The following TMCC3 variants were observed in gnomAD, a reference collection of about 807,000 sequenced individuals.
The protein encoded by TMCC3 is transmembrane and coiled-coil domain protein 3.
TMCC3 carries 28 observed loss-of-function variants against 40.2 expected under a neutral mutation model. The observed-to-expected ratio is 0.70, with a 90% CI of 0.52 to 0.95. The LOEUF is 0.95. Ranked by LOEUF, TMCC3 falls within the 40% of genes least tolerant of loss-of-function variation. The probability of loss-of-function intolerance (pLI) is 0.00; values close to 1 mark genes in which losing one functional copy is unlikely to be tolerated. For synonymous variants in TMCC3, 255 were observed against 248.5 expected, an observed-to-expected ratio of 1.03 and a Z score of -0.25; for missense variants, 554 against 615.2, an observed-to-expected ratio of 0.90 and a Z score of 1.05.
intron 1 of TMCC3, among the ~76,000 whole-genome samples, chr12:94,647,357 T>G (rs548304495): frequency 3.3e-5 from 5 of 152,320 alleles, no homozygotes; most frequent in Admixed American, 3.3e-4. Flanking sequence ...CACTGCCTCA[T>G]TATTATTCCA....
intron 1 of TMCC3, among the ~76,000 whole-genome samples, chr12:94,646,749 TTTTTA>T (rs1283544285): frequency 2.8e-4 from 30 of 105,982 alleles, no homozygotes; most frequent in Non-Finnish European, 7.0e-4. Context: ...TTTTTTTTTT[TTTTTA>T]AAAAACAAAT....
chr12:94,630,771 C>G (rs768413953), intron 1 of TMCC3, among the ~76,000 whole-genome samples: 1 of 152,196 alleles, frequency 6.6e-6, no homozygotes. Context: ...CTCTGTCGCC[C>G]AGGCTGGAGT....
chr12:94,593,410 G>A (rs201911823), intron 1 of TMCC3, among the ~76,000 whole-genome samples: 714 of 17,342 alleles, frequency 0.041, 150 homozygotes, highest in East Asian at 0.24. Flanking sequence ...AGAAGAAGAA[G>A]GAAGAAGAAG....
At chr12:94,587,944 G>A (rs963186248) in intron 1 of TMCC3, among the ~76,000 whole-genome samples, 9 of 152,130 alleles carry the variant, frequency 5.9e-5, no homozygotes, top group East Asian at 5.8e-4. Context: ...AGGCAGATCC[G>A]CCTACTGAAA....
intron 1 of TMCC3, among the ~76,000 whole-genome samples, chr12:94,630,412 G>A (rs557640809): frequency 6.6e-6 from 1 of 152,134 alleles, no homozygotes; most frequent in East Asian, 1.9e-4. Context: ...CTGTCTACTG[G>A]TTTAGGGGCA....
intron 1 of TMCC3, 47 bp from the exon 2 acceptor site, chr12:94,582,585 A>G (rs1028410416): frequency 6.7e-7 from 1 of 1,491,288 alleles, no homozygotes; most frequent in African/African-American, 1.4e-5. Context: ...AGTCAAAGAG[A>G]TAATTACTGT....
chr12:94,646,898 G>C (rs1487892012), intron 1 of TMCC3, among the ~76,000 whole-genome samples: 4 of 152,118 alleles, frequency 2.6e-5, no homozygotes, highest in African/African-American at 9.7e-5. Flanking sequence ...AGCTCGAAGA[G>C]CCAGAATACA....
At chr12:94,636,112 A>G (rs2068959607) in intron 1 of TMCC3, among the ~76,000 whole-genome samples, 1 of 152,240 alleles carries the variant, frequency 6.6e-6, no homozygotes, top group South Asian at 2.1e-4. Flanking sequence ...ACATTTATAA[A>G]AACAAAACTT....
At chr12:94,636,697 T>C (rs183897606) in intron 1 of TMCC3, among the ~76,000 whole-genome samples, 2 of 152,344 alleles carry the variant, frequency 1.3e-5, no homozygotes, top group Admixed American at 6.5e-5. Context: ...AAAGACAAAA[T>C]GCAACAAAGA....
At chr12:94,649,785 C>G (rs1249168542) in intron 1 of TMCC3, among the ~76,000 whole-genome samples, 4 of 152,266 alleles carry the variant, frequency 2.6e-5, no homozygotes, top group Non-Finnish European at 4.4e-5. Flanking sequence ...GCGAGGGCGC[C>G]TGCTCGGCTC....
At chr12:94,642,362 G>A (rs2068995177) in intron 1 of TMCC3, among the ~76,000 whole-genome samples, 1 of 152,342 alleles carries the variant, frequency 6.6e-6, no homozygotes, top group African/African-American at 2.4e-5. Flanking sequence ...AAAACCTTGA[G>A]TCTAACTTTC....
intron 1 of TMCC3, chr12:94,615,789 C>G (rs190309689): frequency 9.3e-6 from 4 of 430,016 alleles, no homozygotes; most frequent in African/African-American, 2.1e-5. Context: ...TGGGCAAGCA[C>G]AAAGATAACT....
chr12:94,587,884 A>G (rs1034979934), intron 1 of TMCC3, among the ~76,000 whole-genome samples: 21 of 152,220 alleles, frequency 1.4e-4, no homozygotes, highest in African/African-American at 5.1e-4. Flanking sequence ...AATGACTGCT[A>G]GCCTCTTTCA....
intron 1 of TMCC3, among the ~76,000 whole-genome samples, chr12:94,613,635 C>T (rs2068829394): frequency 6.6e-6 from 1 of 151,938 alleles, no homozygotes; most frequent in African/African-American, 2.4e-5. Flanking sequence ...GCAGCGATGA[C>T]CTCTTGGGGG....
intron 1 of TMCC3, among the ~76,000 whole-genome samples, chr12:94,633,589 C>T (rs146341398): frequency 1.4e-3 from 207 of 152,250 alleles, no homozygotes; most frequent in African/African-American, 4.9e-3. Flanking sequence ...TTCTGATGGG[C>T]CATTTCATTA....
intron 1 of TMCC3, among the ~76,000 whole-genome samples, chr12:94,587,402 A>T (rs2138832550): frequency 1.3e-5 from 2 of 152,352 alleles, no homozygotes; most frequent in Middle Eastern, 6.8e-3. Context: ...CCAAGCTATC[A>T]TTACTGTGAG....
At chr12:94,576,803 C>T (rs1370464696) in intron 3 of TMCC3, among the ~76,000 whole-genome samples, 1 of 152,058 alleles carries the variant, frequency 6.6e-6, no homozygotes, top group African/African-American at 2.4e-5. Flanking sequence ...TAAAGGCAAT[C>T]AAGGAGCCTG....
intron 1 of TMCC3, among the ~76,000 whole-genome samples, chr12:94,646,258 A>G (rs1241269344): frequency 6.6e-6 from 1 of 152,094 alleles, no homozygotes; most frequent in Non-Finnish European, 1.5e-5. Flanking sequence ...TAGGTTAGAG[A>G]GATGGGGGAG....
chr12:94,616,059 TG>T (rs974627754), intron 1 of TMCC3: 1 of 985,242 alleles, frequency 1.0e-6, no homozygotes, highest in Non-Finnish European at 1.2e-6. Flanking sequence ...GCCTGGACTT[TG>T]GAGATACTGC....
Sources: allele counts gnomAD v4.1 joint callset (sites outside exome capture counted in the v4.1 genomes callset), GRCh38; gene constraint gnomAD v4.1.1; transcripts MANE v1.5; gene names NCBI Gene and HGNC (gene_info 2026-07-23, HGNC 2026-07-21).